Variants in DDHD1 observed in about 807,000 individuals in gnomAD.
DDHD1 encodes phospholipase DDHD1.
Under a neutral mutation model 96.4 loss-of-function variants are expected in DDHD1, and 49 were observed. That is an observed-to-expected ratio of 0.51 (90% confidence interval 0.40 to 0.64). The LOEUF is 0.64. DDHD1 is among the 30% of genes least tolerant of loss of function. The pLI is 0.00. For synonymous variants in DDHD1, 442 were observed against 446.5 expected (o/e 0.99, Z 0.13); for missense variants, 1,106 against 1,161.2 (o/e 0.95, Z 0.69).
intron 1 of DDHD1, among the ~76,000 whole-genome samples, chr14:53,134,879 T>G (rs1014682283): frequency 6.6e-6 from 1 of 152,152 alleles, no homozygotes; most frequent in African/African-American, 2.4e-5. Flanking sequence ...ATCCAGGCCA[T>G]CACCAATCAT....
chr14:53,129,319 T>TA (rs1889691087), intron 1 of DDHD1, among the ~76,000 whole-genome samples: 1 of 152,230 alleles, frequency 6.6e-6, no homozygotes, highest in African/African-American at 2.4e-5. Flanking sequence ...TTAAATCGGG[T>TA]AAGCAGTCTT....
At chr14:53,128,208 T>G (rs1889597667) in intron 1 of DDHD1, among the ~76,000 whole-genome samples, 1 of 152,350 alleles carries the variant, frequency 6.6e-6, no homozygotes, top group South Asian at 2.1e-4. Context: ...CCTTTATAAA[T>G]GACCAAGTCT....
intron 1 of DDHD1, among the ~76,000 whole-genome samples, chr14:53,113,111 C>G (rs1023279217): frequency 6.6e-5 from 10 of 151,872 alleles, no homozygotes; most frequent in African/African-American, 2.4e-4. Flanking sequence ...AGGGGTGCAC[C>G]ACCACACCTG....
At chr14:53,113,681 A>T (rs1486794478) in intron 1 of DDHD1, among the ~76,000 whole-genome samples, 3 of 152,138 alleles carry the variant, frequency 2.0e-5, no homozygotes, top group Admixed American at 6.5e-5. Context: ...GCCATGAGGG[A>T]CTGTGCTACC....
At chr14:53,103,978 T>G (rs951680265) in intron 1 of DDHD1, 122 bp from the exon 2 acceptor site, 1 of 742,156 alleles carries the variant, frequency 1.3e-6, no homozygotes, top group Non-Finnish European at 2.1e-6. Context: ...CATGACCCAA[T>G]ACAATCATCT....
chr14:53,068,970 T>C (rs1317412399), intron 6 of DDHD1, among the ~76,000 whole-genome samples: 1 of 152,244 alleles, frequency 6.6e-6, no homozygotes, highest in Non-Finnish European at 1.5e-5. Context: ...CATTCTACTG[T>C]AAGCAAGGAT....
chr14:53,055,568 G>T, intron 10 of DDHD1, 92 bp downstream of exon 10: 1 of 1,274,474 alleles, frequency 7.8e-7, no homozygotes, highest in Non-Finnish European at 1.1e-6. Context: ...ACTGCTGGGA[G>T]TTTCCTAATA....
At chr14:53,057,584 A>G (rs997968357) in intron 9 of DDHD1, among the ~76,000 whole-genome samples, 1 of 152,238 alleles carries the variant, frequency 6.6e-6, no homozygotes, top group Non-Finnish European at 1.5e-5. Flanking sequence ...AAAAGTATTT[A>G]GAGCAGGATT....
intron 1 of DDHD1, among the ~76,000 whole-genome samples, chr14:53,112,099 T>A (rs554142417): frequency 1.3e-5 from 2 of 152,298 alleles, no homozygotes; most frequent in East Asian, 3.9e-4. Context: ...ACTGCTAATC[T>A]GTATCAGTCT....
At chr14:53,111,774 A>C (rs1888127358) in intron 1 of DDHD1, among the ~76,000 whole-genome samples, 1 of 152,232 alleles carries the variant, frequency 6.6e-6, no homozygotes, top group Non-Finnish European at 1.5e-5. Flanking sequence ...CTATTCAGGT[A>C]CAATTTCTTT....
In DDHD1 at chr14:53,039,198, T is replaced by C. The variant is rs1566499548; in HGVS notation, c.*7570A>G. On this transcript the variant is annotated 3_prime_UTR_variant, in exon 13 of 13. Coordinates refer to ENST00000673822, the MANE Select transcript of DDHD1 (RefSeq NM_001160148.2). ...GGCTCATTTCTTGTGTATGCTTCCTTTTCATGGCAGATGCACATAATCCAT... is the reference window on the plus strand; with the variant it reads ...GGCTCATTTCTTGTGTATGCTTCCTCTTCATGGCAGATGCACATAATCCAT... 6.6e-6 allele frequency: 1 copy of C among 152,198 alleles called. No individual in the cohort carries two copies. The highest frequency in any genetic ancestry group is 1.5e-5 in the Non-Finnish European group (1 of 68,036). The allele number at this position is 152,198 out of a possible 1,614,324, so 9.4% of individuals were successfully genotyped here.
chr14:53,102,503 A>G (rs1887379762), intron 2 of DDHD1, among the ~76,000 whole-genome samples: 1 of 152,070 alleles, frequency 6.6e-6, no homozygotes, highest in African/African-American at 2.4e-5. Context: ...TATTATATAA[A>G]TTTGTTAGCT....
intron 6 of DDHD1, among the ~76,000 whole-genome samples, chr14:53,065,433 T>G (rs1244888486): frequency 1.3e-5 from 2 of 152,232 alleles, no homozygotes; most frequent in Non-Finnish European, 2.9e-5. Context: ...AGTTCAGATT[T>G]ACACAAGATG....
intron 2 of DDHD1, among the ~76,000 whole-genome samples, chr14:53,094,650 G>A (rs535028447): frequency 2.7e-5 from 4 of 150,506 alleles, no homozygotes; most frequent in African/African-American, 9.8e-5. Context: ...TAGCAGCCTG[G>A]GCAACAATAA....
At chr14:53,049,424 G>A (rs1257598971) in intron 12 of DDHD1, among the ~76,000 whole-genome samples, 4 of 152,060 alleles carry the variant, frequency 2.6e-5, no homozygotes, top group Non-Finnish European at 5.9e-5. Flanking sequence ...AAACTAGGTG[G>A]GCCTATGTTC....
chr14:53,057,242 T>C (rs914258539), intron 9 of DDHD1, among the ~76,000 whole-genome samples: 4 of 152,230 alleles, frequency 2.6e-5, no homozygotes, highest in Non-Finnish European at 5.9e-5. Flanking sequence ...TCCACAATTA[T>C]ATGAAGCTAT....
intron 4 of DDHD1, among the ~76,000 whole-genome samples, chr14:53,076,671 A>C (rs1433300017): frequency 6.6e-6 from 1 of 152,210 alleles, no homozygotes; most frequent in Non-Finnish European, 1.5e-5. Context: ...AGGAAGAATC[A>C]ATCGATGTGG....
chr14:53,040,710 G>C lies in DDHD1; in HGVS notation c.*6058C>G, dbSNP rs953866445. Reference sequence around the variant, plus strand: ...TAATGCATGCTTCAGTAAAACTGAAGATTCTGAGAAAACTAACCTGCTTTG... The same window carrying C: ...TAATGCATGCTTCAGTAAAACTGAACATTCTGAGAAAACTAACCTGCTTTG... On this transcript the variant is annotated 3_prime_UTR_variant, in exon 13 of 13. Transcript: ENST00000673822. The C allele has an allele frequency of 5.9e-5, 9 of 152,160 alleles. No individual in the cohort carries two copies. The highest frequency in any genetic ancestry group is 5.9e-4 in the Admixed American group (9 of 15,274). 9.4% of individuals were successfully genotyped at this position (152,160 alleles called of 1,614,324 possible). A position where few individuals can be genotyped will look rare whatever the true frequency, so the allele number is the denominator to read the frequency against.
At chr14:53,120,618 G>A (rs1049148983) in intron 1 of DDHD1, among the ~76,000 whole-genome samples, 7 of 152,074 alleles carry the variant, frequency 4.6e-5, no homozygotes, top group African/African-American at 1.7e-4. Flanking sequence ...TAATAGAACA[G>A]AACAGAGACC....
Sources: gnomAD v4.1 joint callset for allele counts (sites outside exome capture counted in the v4.1 genomes callset) on GRCh38, gnomAD v4.1.1 for gene constraint, MANE v1.5 for transcripts, NCBI Gene and HGNC (gene_info 2026-07-23, HGNC 2026-07-21) for gene names.